The following SLC39A11 variants were observed in gnomAD, a reference collection of about 807,000 sequenced individuals.
SLC39A11 encodes solute carrier family 39 member 11.
Under a neutral mutation model 36.1 loss-of-function variants are expected in SLC39A11, and 33 were observed. The observed-to-expected ratio is 0.91, with a 90% CI of 0.69 to 1.22. The LOEUF (loss-of-function observed/expected upper bound fraction) is 1.22. Among genes scored for constraint, SLC39A11 ranks in the 50% most tolerant of loss-of-function variants. The pLI, the probability that SLC39A11 is intolerant of heterozygous loss-of-function variation, is 0.00. For missense variants in SLC39A11, 432 were observed against 430.3 expected (o/e 1.00, Z -0.03); for synonymous variants, 166 against 170.3 (o/e 0.97, Z 0.20).
At chr17:72,997,152 A>G (rs925494453) in intron 4 of SLC39A11, among the ~76,000 whole-genome samples, 1 of 151,992 alleles carries the variant, frequency 6.6e-6, no homozygotes, top group African/African-American at 2.4e-5. Flanking sequence ...TACCGCTGAG[A>G]TTTTGGGGTT....
chr17:73,051,678 T>C (rs8077534), intron 3 of SLC39A11, among the ~76,000 whole-genome samples: 11,279 of 64,308 alleles, frequency 0.18, 695 homozygotes, highest in East Asian at 0.51. Context: ...GCCAACATGG[T>C]GAAACCCTGT....
At chr17:72,653,734 C>T (rs1409963176) in intron 7 of SLC39A11, among the ~76,000 whole-genome samples, 3 of 152,128 alleles carry the variant, frequency 2.0e-5, no homozygotes, top group Non-Finnish European at 4.4e-5. Context: ...TCACCTCACC[C>T]GGCCTGCTGC....
At chr17:73,023,256 G>C (rs925168157) in intron 4 of SLC39A11, among the ~76,000 whole-genome samples, 2 of 151,910 alleles carry the variant, frequency 1.3e-5, no homozygotes, top group Non-Finnish European at 2.9e-5. Flanking sequence ...ACCCTGGGCT[G>C]AATTGTGCCC....
At chr17:72,924,919 T>C (rs1300174605) in intron 5 of SLC39A11, among the ~76,000 whole-genome samples, 1 of 151,056 alleles carries the variant, frequency 6.6e-6, no homozygotes, top group African/African-American at 2.4e-5. Context: ...AGAGAAACAC[T>C]TGAACCTGGG....
At chr17:72,741,765 G>C (rs1483774945) in intron 6 of SLC39A11, among the ~76,000 whole-genome samples, 1 of 152,126 alleles carries the variant, frequency 6.6e-6, no homozygotes, top group Non-Finnish European at 1.5e-5. Context: ...TGAGTCCGAG[G>C]CCCAGGGTGT....
At chr17:73,081,288 A>C (rs1271929256) in intron 3 of SLC39A11, among the ~76,000 whole-genome samples, 1 of 152,158 alleles carries the variant, frequency 6.6e-6, no homozygotes, top group Non-Finnish European at 1.5e-5. Context: ...TTACTCCTGC[A>C]AGAATGACCA....
intron 5 of SLC39A11, among the ~76,000 whole-genome samples, chr17:72,867,610 T>G (rs1449909332): frequency 6.6e-6 from 1 of 151,804 alleles, no homozygotes; most frequent in African/African-American, 2.4e-5. Context: ...TAAAAATCAA[T>G]CAATCCACTG....
intron 3 of SLC39A11, among the ~76,000 whole-genome samples, chr17:73,066,261 A>G (rs965387667): frequency 5.3e-5 from 8 of 152,170 alleles, no homozygotes; most frequent in African/African-American, 1.9e-4. Flanking sequence ...GACCTGAGTG[A>G]GGCCCTTATA....
intron 6 of SLC39A11, among the ~76,000 whole-genome samples, chr17:72,809,854 G>A: frequency 6.6e-6 from 1 of 152,078 alleles, no homozygotes; most frequent in East Asian, 1.9e-4. Flanking sequence ...CAGATCACTT[G>A]AGGTCAGGAG....
chr17:72,806,450 C>T (rs10512590), intron 6 of SLC39A11, among the ~76,000 whole-genome samples: 4 of 152,128 alleles, frequency 2.6e-5, no homozygotes, highest in Admixed American at 6.5e-5. Flanking sequence ...GAAGCTCTAA[C>T]GATAGCATTC....
intron 6 of SLC39A11, among the ~76,000 whole-genome samples, chr17:72,846,346 A>G (rs1400064346): frequency 2.0e-5 from 3 of 152,116 alleles, no homozygotes; most frequent in African/African-American, 7.2e-5. Flanking sequence ...CTTATTTGAA[A>G]AAATACTTTT....
chr17:72,756,563 C>T (rs1044120353), intron 6 of SLC39A11, among the ~76,000 whole-genome samples: 15 of 152,168 alleles, frequency 9.9e-5, no homozygotes, highest in African/African-American at 1.2e-4. Flanking sequence ...ATTCCACTTA[C>T]GTGAAGTACT....
At chr17:72,683,219 AGAAG>A (rs967598095) in intron 7 of SLC39A11, among the ~76,000 whole-genome samples, 1 of 152,248 alleles carries the variant, frequency 6.6e-6, no homozygotes. Context: ...ATGGAAGGAA[AGAAG>A]GAAGGATGAA....
At chr17:72,909,801 A>G (rs967962973) in intron 5 of SLC39A11, among the ~76,000 whole-genome samples, 2 of 148,016 alleles carry the variant, frequency 1.4e-5, no homozygotes, top group East Asian at 2.0e-4. Context: ...GCTGGAGTGC[A>G]GTGGCGTGAT....
chr17:72,951,055 A>T (rs1199671106), intron 4 of SLC39A11, among the ~76,000 whole-genome samples: 2 of 151,510 alleles, frequency 1.3e-5, no homozygotes, highest in South Asian at 2.1e-4. Context: ...TGAGCCCAGG[A>T]GTTCGAGACC....
chr17:72,793,358 G>T lies in SLC39A11; in HGVS notation c.601+56276C>A, dbSNP rs2076780441. Among the ~76,000 whole-genome samples, 4 of 152,140 alleles carry T rather than the reference G, an allele frequency of 2.6e-5. No homozygotes were observed. The South Asian group carries it at 8.3e-4, about 31-fold the overall frequency. On this transcript the variant is annotated intron_variant, in intron 6 of 9. Coordinates refer to ENST00000255559, the MANE Select transcript of SLC39A11 (RefSeq NM_139177.4). ...CCTAGAGCTGAGAAAGCATTCTCCA[G>T]TTAGCCACAGACCCCACCCCTCCCT...
intron 4 of SLC39A11, among the ~76,000 whole-genome samples, chr17:72,982,330 A>C (rs1052203152): frequency 6.6e-6 from 1 of 152,178 alleles, no homozygotes; most frequent in Admixed American, 6.5e-5. Flanking sequence ...AGTTTTATAG[A>C]TATGTTCACA....
intron 3 of SLC39A11, among the ~76,000 whole-genome samples, chr17:73,038,777 G>C (rs1338999631): frequency 2.2e-5 from 3 of 138,438 alleles, no homozygotes; most frequent in African/African-American, 8.0e-5. Context: ...ATGGAGGAGG[G>C]AGGGAGGAGG....
intron 7 of SLC39A11, among the ~76,000 whole-genome samples, chr17:72,687,523 G>A (rs1435550024): frequency 1.3e-5 from 2 of 152,304 alleles, no homozygotes; most frequent in East Asian, 1.9e-4. Context: ...GATTACAGGC[G>A]TGAGCCACCG....
Sources: allele counts gnomAD v4.1 joint callset (sites outside exome capture counted in the v4.1 genomes callset), GRCh38; gene constraint gnomAD v4.1.1; transcripts MANE v1.5; gene names NCBI Gene and HGNC (gene_info 2026-07-23, HGNC 2026-07-21).